SH3GL2: variants seen among roughly 807,000 people sequenced by gnomAD.
SH3GL2 encodes the protein endophilin-A1.
In SH3GL2, 24 loss-of-function variants were observed where a neutral mutation model predicts 46.0. That is an observed-to-expected ratio of 0.52 (90% CI 0.38 to 0.73). The LOEUF (loss-of-function observed/expected upper bound fraction) is 0.73. Ranked by LOEUF, SH3GL2 falls within the 30% of genes least tolerant of loss-of-function variation. SH3GL2 has a pLI of 0.00. For synonymous variants in SH3GL2, 196 were observed against 147.1 expected (o/e 1.33, Z -2.40); for missense variants, 413 against 424.2 (o/e 0.97, Z 0.23).
chr9:17,738,130 T>A (rs1822395231), intron 1 of SH3GL2, among the ~76,000 whole-genome samples: 1 of 152,114 alleles, frequency 6.6e-6, no homozygotes, highest in Non-Finnish European at 1.5e-5. Context: ...CCTGTTTTAT[T>A]TGCATTTAAA....
At chr9:17,715,614 C>T (rs996656781) in intron 1 of SH3GL2, among the ~76,000 whole-genome samples, 33 of 151,934 alleles carry the variant, frequency 2.2e-4, no homozygotes, top group African/African-American at 7.7e-4. Flanking sequence ...TACCATCCAG[C>T]ATATTATTTA....
intron 1 of SH3GL2, among the ~76,000 whole-genome samples, chr9:17,637,470 C>T (rs117683247): frequency 1.3e-5 from 2 of 152,094 alleles, no homozygotes; most frequent in Non-Finnish European, 2.9e-5. Flanking sequence ...TTTACTTAGT[C>T]GGGAACTCCT....
At chr9:17,688,337 GA>G (rs1031630938) in intron 1 of SH3GL2, among the ~76,000 whole-genome samples, 13 of 151,658 alleles carry the variant, frequency 8.6e-5, no homozygotes, top group African/African-American at 2.9e-4. Context: ...GATCAACGGT[GA>G]AAAAAAATGT....
chr9:17,794,757 C>G (rs1824231460), intron 8 of SH3GL2, among the ~76,000 whole-genome samples: 1 of 152,222 alleles, frequency 6.6e-6, no homozygotes, highest in African/African-American at 2.4e-5. Context: ...TTATTTTACT[C>G]AAGGTGGAGT....
At chr9:17,690,796 C>G (rs1007243083) in intron 1 of SH3GL2, among the ~76,000 whole-genome samples, 1 of 152,134 alleles carries the variant, frequency 6.6e-6, no homozygotes, top group Admixed American at 6.6e-5. Context: ...AGTGGAAACA[C>G]ATGGTCTCCA....
chr9:17,621,344 C>G (rs970195091), intron 1 of SH3GL2, among the ~76,000 whole-genome samples: 13 of 152,172 alleles, frequency 8.5e-5, no homozygotes, highest in African/African-American at 2.7e-4. Context: ...AAAGACTGTG[C>G]TAATTTATGT....
chr9:17,762,703 G>C (rs1823213386), intron 3 of SH3GL2, among the ~76,000 whole-genome samples: 1 of 152,188 alleles, frequency 6.6e-6, no homozygotes, highest in Non-Finnish European at 1.5e-5. Context: ...CAGTGGTCTA[G>C]ATACATTTTC....
At chr9:17,747,861 A>T (rs1474779927) in intron 2 of SH3GL2, among the ~76,000 whole-genome samples, 1 of 151,830 alleles carries the variant, frequency 6.6e-6, no homozygotes, top group East Asian at 1.9e-4. Context: ...TTTTGTAGAG[A>T]TGGGGTTTTA....
intron 1 of SH3GL2, among the ~76,000 whole-genome samples, chr9:17,640,171 C>T (rs886118032): frequency 6.9e-6 from 1 of 145,698 alleles, no homozygotes. Context: ...TAACTTGTAC[C>T]CCAGTAAAAA....
At chr9:17,658,470 G>C (rs1820141422) in intron 1 of SH3GL2, among the ~76,000 whole-genome samples, 1 of 152,152 alleles carries the variant, frequency 6.6e-6, no homozygotes, top group Non-Finnish European at 1.5e-5. Context: ...GAAGAAAATG[G>C]ATTTATAATA....
At chr9:17,642,949 A>G (rs1320591335) in intron 1 of SH3GL2, among the ~76,000 whole-genome samples, 2 of 152,206 alleles carry the variant, frequency 1.3e-5, no homozygotes, top group Non-Finnish European at 2.9e-5. Flanking sequence ...TTTGATGGAA[A>G]TAGCATTGAA....
chr9:17,794,861 A>C (rs1222764081), intron 8 of SH3GL2, among the ~76,000 whole-genome samples: 1 of 152,246 alleles, frequency 6.6e-6, no homozygotes, highest in Non-Finnish European at 1.5e-5. Flanking sequence ...AATTTTTTAC[A>C]TAATCTCATT....
intron 3 of SH3GL2, among the ~76,000 whole-genome samples, chr9:17,771,303 T>C (rs1773734650): frequency 1.3e-5 from 2 of 152,132 alleles, no homozygotes; most frequent in African/African-American, 4.8e-5. Flanking sequence ...ACTGAAGATA[T>C]CTTTGTGTTT....
chr9:17,783,567 T>C (rs957479302), intron 3 of SH3GL2, among the ~76,000 whole-genome samples: 2 of 152,178 alleles, frequency 1.3e-5, no homozygotes, highest in African/African-American at 4.8e-5. Context: ...GATTATGCTT[T>C]AGAGTTGGGA....
chr9:17,667,842 C>A (rs569144582), intron 1 of SH3GL2, among the ~76,000 whole-genome samples: 1 of 152,120 alleles, frequency 6.6e-6, no homozygotes, highest in Non-Finnish European at 1.5e-5. Flanking sequence ...TTGACTATAA[C>A]CATCTTATTG....
At chr9:17,721,840 G>T (rs1821901348) in intron 1 of SH3GL2, among the ~76,000 whole-genome samples, 1 of 152,004 alleles carries the variant, frequency 6.6e-6, no homozygotes, top group Non-Finnish European at 1.5e-5. Context: ...TTATCTGTAT[G>T]TGTATATCTC....
At chr9:17,681,004 G>T (rs182035459) in intron 1 of SH3GL2, among the ~76,000 whole-genome samples, 1 of 151,994 alleles carries the variant, frequency 6.6e-6, no homozygotes, top group African/African-American at 2.4e-5. Flanking sequence ...ACAGTTTGTT[G>T]TAATTTCTGT....
chr9:17,773,470 TGGA>T (rs1823551193), intron 3 of SH3GL2, among the ~76,000 whole-genome samples: 2 of 152,150 alleles, frequency 1.3e-5, no homozygotes, highest in African/African-American at 2.4e-5. Context: ...TTAATGTATT[TGGA>T]GTTAATTTTT....
At chr9:17,598,090 A>T (rs1818607163) in intron 1 of SH3GL2, among the ~76,000 whole-genome samples, 2 of 152,250 alleles carry the variant, frequency 1.3e-5, no homozygotes, top group Non-Finnish European at 2.9e-5. Flanking sequence ...CGTGGAGGTC[A>T]TACCTGACAT....
Sources: allele counts gnomAD v4.1 joint callset (sites outside exome capture counted in the v4.1 genomes callset), GRCh38; gene constraint gnomAD v4.1.1; transcripts MANE v1.5; gene names NCBI Gene and HGNC (gene_info 2026-07-23, HGNC 2026-07-21).